The following CEP192 variants were observed in gnomAD, a reference collection of about 807,000 sequenced individuals.
CEP192 encodes the protein centrosomal protein 192.
CEP192 carries 151 observed loss-of-function variants against 271.8 expected under a neutral mutation model. The ratio of observed to expected loss-of-function variants is 0.56; its 90% CI spans 0.49 to 0.64. CEP192 has a LOEUF of 0.64. CEP192 is among the 30% of genes least tolerant of loss of function. The pLI is 0.00. For synonymous variants in CEP192, 995 were observed against 1,076.5 expected (o/e 0.92, Z 1.48); for missense variants, 2,910 against 3,020.5 (o/e 0.96, Z 0.86).
chr18:13,096,422 A>C, intron 36 of CEP192, 115 bp downstream of exon 36: 1 of 1,374,562 alleles, frequency 7.3e-7, no homozygotes, highest in East Asian at 2.4e-5. Flanking sequence ...CACCGTGCTG[A>C]CTCTGCACAA....
chr18:13,084,193 T>C (rs2038773426), intron 30 of CEP192, among the ~76,000 whole-genome samples: 1 of 152,232 alleles, frequency 6.6e-6, no homozygotes, highest in Non-Finnish European at 1.5e-5. Flanking sequence ...GAGAAGTTTC[T>C]GCTGCCTTTT....
chr18:13,008,430 C>T, intron 3 of CEP192, 26 bp from the exon 4 acceptor site: 1 of 1,449,530 alleles, frequency 6.9e-7, no homozygotes, highest in South Asian at 1.3e-5. Context: ...AACATTTTAT[C>T]ATTCTTCTGT....
rs1470005425 is a variant in CEP192 at position 13,099,587 on chromosome 18, T to G, written c.6663+6T>G. The G allele has an allele frequency of 1.3e-6, 2 of 1,483,090 alleles. No individual in the cohort carries two copies. The highest frequency in any genetic ancestry group is 4.6e-5 in the East Asian group (2 of 43,352). 91.9% of individuals were successfully genotyped at this position (1,483,090 alleles called of 1,614,324 possible). On this transcript the variant is annotated splice_donor_region_variant and intron_variant, in intron 37 of 44. Coordinates refer to ENST00000506447, the MANE Select transcript of CEP192 (RefSeq NM_032142.4). ...ACTGTGACGATGGACAGAAGGTACT[T>G]TTAAAAGTGGTTTGGTTTTTTTTTT... is the stretch of plus-strand genomic sequence containing the variant.
Position 13,101,143 on chromosome 18 carries a change from C to T in CEP192, c.6871+631C>T, listed in dbSNP as rs370916296. Among the ~76,000 whole-genome samples the T allele has an allele frequency of 4.5e-4, 69 of 152,308 alleles. No individual in the cohort carries two copies. In the South Asian group the frequency reaches 0.014, roughly 30 times the overall value. Reference sequence around the variant, plus strand: ...CTTGTGATTCTGGGCGGCGGCAGCCCTGAGCCACAGCTTCTAGTCAGCCGC... The same window carrying T: ...CTTGTGATTCTGGGCGGCGGCAGCCTTGAGCCACAGCTTCTAGTCAGCCGC... On this transcript the variant is annotated intron_variant, in intron 38 of 44. Coordinates refer to ENST00000506447, the MANE Select transcript of CEP192 (RefSeq NM_032142.4).
chr18:13,076,332 C>A (rs936620882), intron 30 of CEP192, among the ~76,000 whole-genome samples: 1 of 152,150 alleles, frequency 6.6e-6, no homozygotes, highest in African/African-American at 2.4e-5. Context: ...TCAAGCAGTT[C>A]TCTTGCCTCA....
chr18:13,057,843 A>G (rs2037196952), intron 20 of CEP192, 110 bp downstream of exon 20: 20 of 932,892 alleles, frequency 2.1e-5, no homozygotes, highest in Non-Finnish European at 3.2e-5. Context: ...ATTAATGCAC[A>G]CAGTCATTGC....
chr18:13,005,988 C>T (rs536362385), intron 3 of CEP192, among the ~76,000 whole-genome samples: 3 of 152,164 alleles, frequency 2.0e-5, no homozygotes, highest in South Asian at 2.1e-4. Context: ...TTTAGAATCC[C>T]GTCTGAGTCC....
chr18:13,070,629 T>C (rs987501528), intron 27 of CEP192, among the ~76,000 whole-genome samples: 1 of 152,244 alleles, frequency 6.6e-6, no homozygotes, highest in Non-Finnish European at 1.5e-5. Flanking sequence ...GAGACACACA[T>C]GGCTTATCCC....
intron 17 of CEP192, among the ~76,000 whole-genome samples, chr18:13,050,212 A>T (rs1396056216): frequency 1.3e-5 from 2 of 152,178 alleles, no homozygotes. Flanking sequence ...TGATATTGGG[A>T]TGAATAACTT....
At chr18:13,045,202 T>G (rs1245578409) in intron 15 of CEP192, among the ~76,000 whole-genome samples, 2 of 152,150 alleles carry the variant, frequency 1.3e-5, no homozygotes, top group Non-Finnish European at 2.9e-5. Context: ...CTCAATTCTG[T>G]TTGTCTTTCT....
chr18:13,074,591 G>C (rs945091642), intron 30 of CEP192, among the ~76,000 whole-genome samples: 2 of 152,172 alleles, frequency 1.3e-5, no homozygotes, highest in Non-Finnish European at 2.9e-5. Flanking sequence ...ACCAAGCAGG[G>C]GTTTGACATC....
intron 28 of CEP192, among the ~76,000 whole-genome samples, chr18:13,071,470 C>G (rs1294993728): frequency 6.6e-6 from 1 of 152,192 alleles, no homozygotes; most frequent in Non-Finnish European, 1.5e-5. Context: ...TTCACTGCCA[C>G]TCTGTATTTT....
Position 13,053,062 on chromosome 18 carries a change from C to A in CEP192, c.3161C>A (p.Ala1054Asp). 1 of 1,611,970 alleles carries A rather than the reference C, an allele frequency of 6.2e-7. No individual in the cohort carries two copies. Among genetic ancestry groups the A allele is most frequent in the Non-Finnish European group, 8.5e-7 (1 of 1,178,880 alleles). The change falls in exon 18 of 45, where the codon GCC (alanine) becomes GAC (aspartate). Residue 1054 changes from alanine to aspartate, a missense_variant. Transcript: ENST00000506447. ...SEPESSYPTT[A>D]TDDALEDRKS... Reference sequence around the variant, plus strand: ...CCAGAGAGCTCCTATCCTACCACAGCCACAGATGATGCCCTGGAGGACCGC... The same window carrying A: ...CCAGAGAGCTCCTATCCTACCACAGACACAGATGATGCCCTGGAGGACCGC...
In CEP192 at chr18:13,008,460, A is replaced by G. The variant is rs2145866864; in HGVS notation, c.295A>G (p.Ile99Val). 1 of 1,539,674 alleles carries G rather than the reference A, an allele frequency of 6.5e-7. No homozygotes were observed. The highest frequency in any genetic ancestry group is 8.8e-7 in the Non-Finnish European group (1 of 1,141,024). ...TTCTGTTTCCTAATAAAAAAGTTCT[A>G]TCTCTAGGAAAAAGAGCTATGTGGA... ...LQLSFQDDDS[I>V]SRKKSYVESQ... is the part of the protein sequence containing the mutation. The change falls in exon 4 of 45, where the codon ATC becomes GTC. Residue 99 changes from isoleucine (I) to valine (V), a missense_variant. By Grantham distance (29) the Ile-to-Val change is conservative. Coordinates refer to ENST00000506447, the MANE Select transcript of CEP192 (RefSeq NM_032142.4).
At chr18:13,036,145 CAAAA>C (rs55837148) in intron 11 of CEP192, among the ~76,000 whole-genome samples, 1 of 133,082 alleles carries the variant, frequency 7.5e-6, no homozygotes, top group Non-Finnish European at 1.6e-5. Context: ...GACCTTGTCT[CAAAA>C]AAAAAAAAAG....
rs146886539 is a variant in CEP192, at chr18:13,113,144, C to T, written c.7048-442C>T. On this transcript the variant is annotated intron_variant, in intron 40 of 44. Coordinates refer to ENST00000506447, the MANE Select transcript of CEP192 (RefSeq NM_032142.4). Reference sequence around the variant, plus strand: ...CTTGTCTTGTTCTGCCTCCTGTAGCCGCCGCCCCCCTCACTGTTGTCAGTC... The same window carrying T: ...CTTGTCTTGTTCTGCCTCCTGTAGCTGCCGCCCCCCTCACTGTTGTCAGTC... Among the ~76,000 whole-genome samples, 904 of 152,226 alleles carry T rather than the reference C, an allele frequency of 5.9e-3. 9 individuals are homozygous for T. The highest frequency in any genetic ancestry group is 0.021 in the African/African-American group (870 of 41,524).
At chr18:13,103,617 G>A (rs1052915725) in intron 39 of CEP192, 29 bp downstream of exon 39, 6 of 1,505,476 alleles carry the variant, frequency 4.0e-6, no homozygotes, top group Admixed American at 1.7e-5. Flanking sequence ...AGATATAATC[G>A]TTTTAATGTT....
intron 34 of CEP192, among the ~76,000 whole-genome samples, chr18:13,093,111 A>T (rs955535126): frequency 5.3e-5 from 8 of 152,200 alleles, no homozygotes; most frequent in African/African-American, 1.4e-4. Flanking sequence ...GTGAGCCAAG[A>T]TGGGGACATT....
At chr18:13,055,513 C>T (rs545365046) in intron 18 of CEP192, among the ~76,000 whole-genome samples, 1 of 152,292 alleles carries the variant, frequency 6.6e-6, no homozygotes, top group South Asian at 2.1e-4. Context: ...GGTCGTTTAT[C>T]TGTGCAAAAT....
Sources: allele counts gnomAD v4.1 joint callset (sites outside exome capture counted in the v4.1 genomes callset), GRCh38; gene constraint gnomAD v4.1.1; transcripts MANE v1.5; gene names NCBI Gene and HGNC (gene_info 2026-07-23, HGNC 2026-07-21).